The following PRKAG2 variants were observed in gnomAD, a reference collection of about 807,000 sequenced individuals.
PRKAG2 encodes 5'-AMP-activated protein kinase subunit gamma-2.
PRKAG2 carries 26 observed loss-of-function variants against 69.6 expected under a neutral mutation model. That is an observed-to-expected ratio of 0.37 (90% CI 0.27 to 0.52). The LOEUF (loss-of-function observed/expected upper bound fraction) is 0.52, where lower values mean the gene tolerates loss of function less well. Ranked by LOEUF, PRKAG2 falls within the 20% of genes least tolerant of loss-of-function variation. The pLI is 0.90. For synonymous variants in PRKAG2, 293 were observed against 285.0 expected (o/e 1.03, Z -0.28); for missense variants, 557 against 740.0 (o/e 0.75, Z 2.87).
chr7:151,786,413 C>T, intron 2 of PRKAG2, 57 bp downstream of exon 2: 5 of 1,507,002 alleles, frequency 3.3e-6, no homozygotes, highest in Non-Finnish European at 4.6e-6. Context: ...TCAGGCTCTG[C>T]CTGCCTCCGT....
Position 151,675,652 on chromosome 7 carries a change from C to T in PRKAG2, c.467-15G>A, listed in dbSNP as rs139162723. ...GAGGCCGGAGGCTGCAGAAGAAACACCAAGGACGGTCAGAGGTCCGGCTTC... is the reference window on the plus strand; with the variant it reads ...GAGGCCGGAGGCTGCAGAAGAAACATCAAGGACGGTCAGAGGTCCGGCTTC... On this transcript the variant is annotated splice_polypyrimidine_tract_variant and intron_variant, in intron 3 of 15. Transcript: ENST00000287878. 3.7e-6 allele frequency: 6 copies of T among 1,602,620 alleles called. No individual in the cohort carries two copies. The highest frequency in any genetic ancestry group is 2.2e-5 in the East Asian group (1 of 44,798).
chr7:151,630,604 C>T (rs1184870881), intron 5 of PRKAG2, among the ~76,000 whole-genome samples: 1 of 152,224 alleles, frequency 6.6e-6, no homozygotes, highest in Non-Finnish European at 1.5e-5. Flanking sequence ...AGCGATTCCT[C>T]TCGAACAGAA....
At position 151,729,099 on chromosome 7, in the gene PRKAG2, C is replaced by CA. The variant is rs2151672133; in HGVS notation, c.466+52052dup. On this transcript the variant is annotated intron_variant, in intron 3 of 15. Transcript: ENST00000287878. ...GGTTCCACCAGGCAGCGCTTGGTGA[C>CA]AGTGACGTAGGGAGAACAGGCAGAT... Among the ~76,000 whole-genome samples, 11 of 143,998 alleles carry CA rather than the reference C, an allele frequency of 7.6e-5. No homozygotes were observed. The South Asian group carries it at 2.4e-3, about 32-fold the overall frequency. 94.5% of individuals were successfully genotyped at this position (143,998 alleles called of 152,430 possible).
chr7:151,819,657 C>T (rs2078723226), intron 1 of PRKAG2, among the ~76,000 whole-genome samples: 1 of 152,188 alleles, frequency 6.6e-6, no homozygotes, highest in Non-Finnish European at 1.5e-5. Flanking sequence ...ACAAACCAAC[C>T]CCCGCAAAGG....
chr7:151,696,211 A>C (rs1287509502), intron 3 of PRKAG2, among the ~76,000 whole-genome samples: 1 of 152,166 alleles, frequency 6.6e-6, no homozygotes, highest in Non-Finnish European at 1.5e-5. Context: ...AATTCAGCGC[A>C]TGATACTGGC....
intron 1 of PRKAG2, among the ~76,000 whole-genome samples, chr7:151,804,614 G>A (rs2078010919): frequency 6.6e-6 from 1 of 152,234 alleles, no homozygotes; most frequent in Non-Finnish European, 1.5e-5. Flanking sequence ...TGATGTAGGA[G>A]AGTCTATTTC....
At chr7:151,824,176 G>T (rs2078856297) in intron 1 of PRKAG2, among the ~76,000 whole-genome samples, 1 of 152,184 alleles carries the variant, frequency 6.6e-6, no homozygotes, top group African/African-American at 2.4e-5. Context: ...AGGGCATGCC[G>T]TAAATCGCCC....
chr7:151,642,028 T>TAA (rs759629976), intron 4 of PRKAG2, among the ~76,000 whole-genome samples: 1,306 of 94,948 alleles, frequency 0.014, 35 homozygotes, highest in African/African-American at 0.049. Context: ...ACCCCATCTT[T>TAA]AAAAAAAAAA....
At chr7:151,682,272 A>G (rs1833994327) in intron 3 of PRKAG2, among the ~76,000 whole-genome samples, 1 of 152,078 alleles carries the variant, frequency 6.6e-6, no homozygotes, top group South Asian at 2.1e-4. Context: ...ACAAGGTCTC[A>G]CTCTGTGGCC....
chr7:151,774,330 G>A (rs2076229041), intron 3 of PRKAG2, among the ~76,000 whole-genome samples: 1 of 152,158 alleles, frequency 6.6e-6, no homozygotes, highest in Non-Finnish European at 1.5e-5. Context: ...GCCAGCCTAG[G>A]TACTTGCTGG....
chr7:151,869,445 AATG>A (rs1433459631), intron 1 of PRKAG2, among the ~76,000 whole-genome samples: 1 of 152,208 alleles, frequency 6.6e-6, no homozygotes, highest in Non-Finnish European at 1.5e-5. Context: ...TCTACCATGT[AATG>A]ATGAACAGGC....
At chr7:151,862,295 C>CT (rs35909950) in intron 1 of PRKAG2, among the ~76,000 whole-genome samples, 3 of 151,954 alleles carry the variant, frequency 2.0e-5, no homozygotes, top group East Asian at 1.9e-4. Context: ...AAATCTGCCC[C>CT]TTTTTTTTCT....
intron 3 of PRKAG2, among the ~76,000 whole-genome samples, chr7:151,679,811 C>T (rs570135947): frequency 6.6e-6 from 1 of 152,094 alleles, no homozygotes; most frequent in South Asian, 2.1e-4. Context: ...ATGCCTGTAG[C>T]CCCGGCACTT....
intron 5 of PRKAG2, among the ~76,000 whole-genome samples, chr7:151,616,120 G>T (rs1353299991): frequency 6.6e-6 from 1 of 152,198 alleles, no homozygotes; most frequent in Admixed American, 6.5e-5. Flanking sequence ...GCTGTGGGTG[G>T]TGGGGGCGTG....
chr7:151,588,431 T>G (rs1812215026), intron 6 of PRKAG2, among the ~76,000 whole-genome samples: 1 of 152,094 alleles, frequency 6.6e-6, no homozygotes, highest in African/African-American at 2.4e-5. Context: ...GGTGCAATCT[T>G]GGCTCACTGT....
rs1319496703 is a variant in PRKAG2 at position 151,719,142 on chromosome 7, G to C, written c.467-43505C>G. 1.3e-5 allele frequency among the ~76,000 whole-genome samples: 2 copies of C among 152,210 alleles called. No homozygotes were observed. The highest frequency in any genetic ancestry group is 2.9e-5 in the Non-Finnish European group (2 of 68,040). ...CCCCGAGCGTTGCTCCGGGAGACGA[G>C]ATGTATCTTGCAACCAGCTCAGCGG... is the stretch of plus-strand genomic sequence containing the variant. On this transcript the variant is annotated intron_variant, in intron 3 of 15. Coordinates refer to ENST00000287878, the MANE Select transcript of PRKAG2 (RefSeq NM_016203.4). The surrounding 1 kb of genome is among the most constrained non-coding windows in gnomAD (Gnocchi z 5.2).
chr7:151,646,202 A>T (rs1336917630), intron 4 of PRKAG2, among the ~76,000 whole-genome samples: 1 of 152,246 alleles, frequency 6.6e-6, no homozygotes, highest in Non-Finnish European at 1.5e-5. Flanking sequence ...GTTTCTATAT[A>T]CATTCCAGAA....
intron 3 of PRKAG2, among the ~76,000 whole-genome samples, chr7:151,728,821 C>T (rs979792626): frequency 2.6e-5 from 4 of 152,134 alleles, no homozygotes; most frequent in Non-Finnish European, 5.9e-5. Context: ...ACCCCACCAG[C>T]GCCCAGCCCC....
At chr7:151,711,210 A>G (rs1163302748) in intron 3 of PRKAG2, among the ~76,000 whole-genome samples, 2 of 151,922 alleles carry the variant, frequency 1.3e-5, no homozygotes, top group East Asian at 3.9e-4. Context: ...GGCTTAGAGG[A>G]TCAACAGTGC....
Sources: gnomAD v4.1 joint callset for allele counts (sites outside exome capture counted in the v4.1 genomes callset) on GRCh38, gnomAD v4.1.1 for gene constraint, Gnocchi (gnomAD v3.1) non-coding constraint, MANE v1.5 for transcripts, NCBI Gene and HGNC (gene_info 2026-07-23, HGNC 2026-07-21) for gene names.